ZHX3: variants seen among roughly 807,000 people sequenced by gnomAD.
ZHX3 encodes the protein zinc fingers and homeoboxes protein 3.
A neutral mutation model predicts 64.5 loss-of-function variants in ZHX3; 20 were observed. The ratio of observed to expected loss-of-function variants is 0.31; its 90% CI spans 0.22 to 0.45. The LOEUF (loss-of-function observed/expected upper bound fraction) is 0.45, where lower values mean the gene tolerates loss of function less well. Ranked by LOEUF, ZHX3 falls within the 20% of genes least tolerant of loss-of-function variation. The pLI is 1.00. For synonymous variants in ZHX3, 423 were observed against 461.6 expected (o/e 0.92, Z 1.07); for missense variants, 1,041 against 1,195.8 (o/e 0.87, Z 1.91).
chr20:41,278,797 G>T (rs1365883347), intron 1 of ZHX3, among the ~76,000 whole-genome samples: 2 of 140,374 alleles, frequency 1.4e-5, no homozygotes, highest in African/African-American at 5.4e-5. Context: ...TTTTGAGACG[G>T]AGTCTCCCTC....
Position 41,204,322 on chromosome 20 carries a change from T to A in ZHX3, c.595A>T (p.Ile199Phe). The stretch of plus-strand genomic sequence containing the variant: ...GGGACATTCTCCTTGAGTGTATGAA[T>A]TTTTTTGGCTTCAGCTTTGCCTTTC... The part of the protein sequence containing the change: ...IMKGKAEAKK[I>F]HTLKENVPSQ... Residue 199 changes from isoleucine to phenylalanine, a missense_variant, in exon 3 of 4, where the codon ATT (isoleucine) becomes TTT (phenylalanine). Ile to Phe is a conservative substitution (Grantham distance 21). Around this residue, in one of 4 missense-constraint regions of ZHX3, gnomAD observed 358 missense variants for 369.1 expected, o/e 0.97. Coordinates refer to ENST00000683867, the MANE Select transcript of ZHX3 (RefSeq NM_001384317.1). This position sits in a 1 kb window ranked among gnomAD's most constrained non-coding sequence, Gnocchi z 6.6. The A allele has an allele frequency of 1.2e-6, 2 of 1,614,170 alleles. No individual in the cohort carries two copies. Among genetic ancestry groups the A allele is most frequent in the Non-Finnish European group, 1.7e-6 (2 of 1,180,020 alleles).
intron 1 of ZHX3, among the ~76,000 whole-genome samples, chr20:41,285,322 T>G (rs1249348325): frequency 6.6e-6 from 1 of 152,190 alleles, no homozygotes; most frequent in African/African-American, 2.4e-5. Context: ...TGAAGCCATT[T>G]CAATAGAACC....
chr20:41,227,447 A>G (rs1376138333), intron 2 of ZHX3, among the ~76,000 whole-genome samples: 1 of 152,200 alleles, frequency 6.6e-6, no homozygotes, highest in Non-Finnish European at 1.5e-5. Flanking sequence ...TGAAGTACAT[A>G]TATCTCCCTA....
rs6102299 is a variant in ZHX3, at chr20:41,193,944, C to T, written c.2860+8113G>A. ...CTCGATCTCTTGACCTTGTGATCCA[C>T]CTGCCTTGGCCTCTCAAAGTGCTGG... On this transcript the variant is annotated intron_variant, in intron 3 of 3. Coordinates refer to ENST00000683867, the MANE Select transcript of ZHX3 (RefSeq NM_001384317.1). Among the ~76,000 whole-genome samples, 708 of 152,264 alleles carry T rather than the reference C, an allele frequency of 4.6e-3. 9 individuals are homozygous for T. Among genetic ancestry groups the T allele is most frequent in the African/African-American group, 0.015 (644 of 41,550 alleles).
intron 1 of ZHX3, among the ~76,000 whole-genome samples, chr20:41,315,157 A>G (rs1453241108): frequency 6.6e-6 from 1 of 152,156 alleles, no homozygotes; most frequent in East Asian, 1.9e-4. Context: ...CGGAGGGAAC[A>G]GCAAATGCAA....
chr20:41,276,861 C>G (rs1356318315), intron 1 of ZHX3, among the ~76,000 whole-genome samples: 1 of 152,222 alleles, frequency 6.6e-6, no homozygotes, highest in East Asian at 1.9e-4. Flanking sequence ...TCCTACATAC[C>G]TGTCAGCATA....
chr20:41,242,929 T>C (rs886423434), intron 2 of ZHX3, among the ~76,000 whole-genome samples: 1 of 152,200 alleles, frequency 6.6e-6, no homozygotes, highest in Non-Finnish European at 1.5e-5. Context: ...AAATGTCTTA[T>C]AATGTCTAAA....
At position 41,216,745 on chromosome 20, in the gene ZHX3, T is replaced by C. The variant is rs1038247578; in HGVS notation, c.-150-11679A>G. 2.0e-5 allele frequency among the ~76,000 whole-genome samples: 3 copies of C among 152,226 alleles called. No homozygotes were observed. The East Asian group carries it at 5.8e-4, about 29-fold the overall frequency. On this transcript the variant is annotated intron_variant, in intron 2 of 3. Coordinates refer to ENST00000683867, the MANE Select transcript of ZHX3 (RefSeq NM_001384317.1). ...AATACTGAATTTCTTACAAGTAAAA[T>C]TGCAGTAGCATTTAAAATATTGTTA...
intron 3 of ZHX3, among the ~76,000 whole-genome samples, chr20:41,187,775 G>A (rs2036649901): frequency 6.6e-6 from 1 of 152,016 alleles, no homozygotes; most frequent in Non-Finnish European, 1.5e-5. Flanking sequence ...TAAACTTTAG[G>A]ATGGATTATT....
intron 2 of ZHX3, among the ~76,000 whole-genome samples, chr20:41,267,774 A>G (rs1359241693): frequency 6.6e-6 from 1 of 152,224 alleles, no homozygotes; most frequent in African/African-American, 2.4e-5. Flanking sequence ...AGATGATTCC[A>G]GGCAGAGGGA....
rs1236811162 is a variant in ZHX3, at chr20:41,183,789, AGCAACCG to A, written c.*1395_*1401del. 5.3e-5 allele frequency: 8 copies of A among 152,248 alleles called. No individual in the cohort carries two copies. Among genetic ancestry groups the A allele is most frequent in the Non-Finnish European group, 7.3e-5 (5 of 68,050 alleles). The allele number at this position is 152,248 out of a possible 1,614,324, so 9.4% of individuals were successfully genotyped here. A position where few individuals can be genotyped will look rare whatever the true frequency, so the allele number is the denominator to read the frequency against. ...GCCCCTCTTTACCAGCTACTCTCAG[AGCAACCG>A]GTCTTGGGGAAATTGAGGATTTACC... On this transcript the variant is annotated 3_prime_UTR_variant, in exon 4 of 4. Transcript: ENST00000683867. This position sits in a 1 kb window ranked among gnomAD's most constrained non-coding sequence, Gnocchi z 5.3.
At chr20:41,223,004 T>G (rs949094888) in intron 2 of ZHX3, among the ~76,000 whole-genome samples, 1 of 152,128 alleles carries the variant, frequency 6.6e-6, no homozygotes, top group Non-Finnish European at 1.5e-5. Flanking sequence ...TAGTCTGTAT[T>G]GATGATTTTC....
intron 2 of ZHX3, among the ~76,000 whole-genome samples, chr20:41,241,871 A>G (rs1337375587): frequency 6.6e-6 from 1 of 152,170 alleles, no homozygotes; most frequent in Non-Finnish European, 1.5e-5. Context: ...TATTCTTCCA[A>G]TCCATGAATT....
rs545896830 is a variant in ZHX3, at chr20:41,275,622, T to C, written c.-244-6539A>G. On this transcript the variant is annotated intron_variant, in intron 1 of 3. Coordinates refer to ENST00000683867, the MANE Select transcript of ZHX3 (RefSeq NM_001384317.1). ...GCACAGTGAGCAAGGCTGGTCAGCATAACATCCGTAGGAGACTCACTCTCA... is the reference window on the plus strand; with the variant it reads ...GCACAGTGAGCAAGGCTGGTCAGCACAACATCCGTAGGAGACTCACTCTCA... Among the ~76,000 whole-genome samples, 4 of 152,332 alleles carry C rather than the reference T, an allele frequency of 2.6e-5. No homozygotes were observed. The South Asian group carries it at 8.3e-4, about 32-fold the overall frequency.
rs2038436363 is a variant in ZHX3, at chr20:41,203,571, G to T, written c.1346C>A (p.Ser449Tyr). Residue 449 changes from serine (S) to tyrosine (Y), a missense_variant, in exon 3 of 4, where the codon TCC (serine) becomes TAC (tyrosine). By Grantham distance (144) the Ser-to-Tyr change is moderately radical. Transcript: ENST00000683867. The surrounding 1 kb of genome is among the most constrained non-coding windows in gnomAD (Gnocchi z 7.1). ...TSSPLPLTVT[S>Y]VPKQPGVAPI... Reference sequence around the variant, plus strand: ...TGCCACACCTGGCTGCTTGGGGACGGATGTCACCGTGAGGGGGAGAGGGGA... The same window carrying T: ...TGCCACACCTGGCTGCTTGGGGACGTATGTCACCGTGAGGGGGAGAGGGGA... 1 of 1,614,098 alleles carries T rather than the reference G, an allele frequency of 6.2e-7. No homozygotes were observed. Among genetic ancestry groups the T allele is most frequent in the Admixed American group, 1.7e-5 (1 of 60,002 alleles).
intron 1 of ZHX3, among the ~76,000 whole-genome samples, chr20:41,298,963 T>TCC (rs10657784): frequency 0.18 from 27,210 of 152,070 alleles, 4,003 homozygotes; most frequent in African/African-American, 0.41. Context: ...CCAAGAGGTG[T>TCC]CCCCTACGTA....
chr20:41,209,875 A>C (rs991249896), intron 2 of ZHX3, among the ~76,000 whole-genome samples: 2 of 152,190 alleles, frequency 1.3e-5, no homozygotes, highest in African/African-American at 4.8e-5. Context: ...AGCTTCTGCA[A>C]AGCGAAAGAA....
Position 41,193,427 on chromosome 20 carries a change from C to T in ZHX3, c.2861-8226G>A, listed in dbSNP as rs1417372932. On this transcript the variant is annotated intron_variant, in intron 3 of 3. Transcript: ENST00000683867. ...CTTTTTGATGCCCTTGTAAATGATA[C>T]CATTTTTAAAATTTTCTTTTCAGAT... 3.9e-5 allele frequency among the ~76,000 whole-genome samples: 6 copies of T among 152,074 alleles called. No individual in the cohort carries two copies. The East Asian group carries it at 1.2e-3, about 29-fold the overall frequency.
intron 1 of ZHX3, among the ~76,000 whole-genome samples, chr20:41,292,668 C>T (rs1488181437): frequency 6.6e-6 from 1 of 152,176 alleles, no homozygotes; most frequent in African/African-American, 2.4e-5. Flanking sequence ...TCCATTTTAT[C>T]CAAATTCCAA....
Sources: allele counts gnomAD v4.1 joint callset (sites outside exome capture counted in the v4.1 genomes callset), GRCh38; gene constraint gnomAD v4.1.1; regional missense constraint gnomAD v4.1.1; non-coding constraint Gnocchi (gnomAD v3.1); transcripts MANE v1.5; gene names NCBI Gene and HGNC (gene_info 2026-07-23, HGNC 2026-07-21).